RPS6KC1: variants seen among roughly 807,000 people sequenced by gnomAD.
The protein encoded by RPS6KC1 is ribosomal protein S6 kinase C1.
A neutral mutation model predicts 103.8 loss-of-function variants in RPS6KC1; 54 were observed. The ratio of observed to expected loss-of-function variants is 0.52; its 90% confidence interval spans 0.42 to 0.65. RPS6KC1 has a LOEUF of 0.65. RPS6KC1 is among the 30% of genes least tolerant of loss of function. The pLI, the probability that RPS6KC1 is intolerant of heterozygous loss-of-function variation, is 0.00. For synonymous variants in RPS6KC1, 439 were observed against 438.7 expected, an observed-to-expected ratio of 1.00 and a Z score of -0.01; for missense variants, 1,151 against 1,253.8, an observed-to-expected ratio of 0.92 and a Z score of 1.24.
the RPS6KC1 span, among the ~76,000 whole-genome samples, chr1:213,676,984 A>G: frequency 1.4e-4 from 22 of 152,354 alleles, no homozygotes; most frequent in East Asian, 3.7e-3. Context: ...TCTGCTGAGG[A>G]GCAGCATGCT....
chr1:213,139,020 T>C (rs2086706761), intron 6 of RPS6KC1, among the ~76,000 whole-genome samples: 1 of 152,320 alleles, frequency 6.6e-6, no homozygotes, highest in South Asian at 2.1e-4. Flanking sequence ...GCATGTGTTA[T>C]TTTTTGACTT....
At chr1:213,647,312 G>A in the RPS6KC1 span, among the ~76,000 whole-genome samples, 6,641 of 152,206 alleles carry the variant, frequency 0.044, 246 homozygotes, top group East Asian at 0.16. Context: ...TGGTTAGATA[G>A]CCAAATACCA....
chr1:213,390,175 G>A, the RPS6KC1 span, among the ~76,000 whole-genome samples: 1 of 152,150 alleles, frequency 6.6e-6, no homozygotes, highest in African/African-American at 2.4e-5. Flanking sequence ...AATGAAAAAT[G>A]TACATCTCTC....
chr1:213,172,796 C>T (rs1249978609), intron 7 of RPS6KC1, among the ~76,000 whole-genome samples: 3 of 152,160 alleles, frequency 2.0e-5, no homozygotes, highest in Non-Finnish European at 2.9e-5. Context: ...TGTACTCCTG[C>T]CTCTCTTCCC....
At chr1:213,648,661 A>G in the RPS6KC1 span, among the ~76,000 whole-genome samples, 4 of 151,862 alleles carry the variant, frequency 2.6e-5, no homozygotes, top group African/African-American at 9.7e-5. Flanking sequence ...CCCTGCTCCC[A>G]TCCTACTTGC....
At chr1:213,692,608 G>A in the RPS6KC1 span, among the ~76,000 whole-genome samples, 1 of 152,098 alleles carries the variant, frequency 6.6e-6, no homozygotes, top group Non-Finnish European at 1.5e-5. Context: ...CACTTCGGAG[G>A]GGCCACATGT....
chr1:213,582,448 G>A, the RPS6KC1 span, among the ~76,000 whole-genome samples: 1 of 152,130 alleles, frequency 6.6e-6, no homozygotes, highest in Non-Finnish European at 1.5e-5. Flanking sequence ...ACGGCACATG[G>A]CCTCACTGCT....
the RPS6KC1 span, among the ~76,000 whole-genome samples, chr1:213,716,075 T>C: frequency 6.6e-6 from 1 of 152,228 alleles, no homozygotes. Flanking sequence ...GAAATGCTTA[T>C]TTTCTCTTCA....
chr1:213,448,718 G>C, the RPS6KC1 span, among the ~76,000 whole-genome samples: 1 of 143,624 alleles, frequency 7.0e-6, no homozygotes, highest in Non-Finnish European at 1.5e-5. Flanking sequence ...CTCACACAGA[G>C]AATAAGACTT....
the RPS6KC1 span, among the ~76,000 whole-genome samples, chr1:213,718,298 G>A: frequency 6.6e-6 from 1 of 152,214 alleles, no homozygotes; most frequent in Non-Finnish European, 1.5e-5. Flanking sequence ...CAGATAATGA[G>A]GCTGGGGCTC....
the RPS6KC1 span, among the ~76,000 whole-genome samples, chr1:213,481,638 T>A: frequency 0.05 from 7,568 of 152,242 alleles, 611 homozygotes; most frequent in African/African-American, 0.17. Flanking sequence ...TTATCTCCTG[T>A]TTTTTTGAAA....
At chr1:213,653,491 T>G in the RPS6KC1 span, among the ~76,000 whole-genome samples, 1 of 152,200 alleles carries the variant, frequency 6.6e-6, no homozygotes, top group Admixed American at 6.5e-5. Context: ...TTCTTAATTT[T>G]CTGTAGTTTC....
chr1:213,344,819 G>A, the RPS6KC1 span, among the ~76,000 whole-genome samples: 1 of 152,194 alleles, frequency 6.6e-6, no homozygotes, highest in African/African-American at 2.4e-5. Flanking sequence ...ACAGGCATGA[G>A]CCACTGCACC....
At chr1:213,118,875 T>C (rs2084014652) in intron 5 of RPS6KC1, among the ~76,000 whole-genome samples, 1 of 152,110 alleles carries the variant, frequency 6.6e-6, no homozygotes, top group Non-Finnish European at 1.5e-5. Context: ...CTTTATAATC[T>C]ATTATTTTTT....
chr1:213,635,487 C>A, the RPS6KC1 span, among the ~76,000 whole-genome samples: 1 of 152,160 alleles, frequency 6.6e-6, no homozygotes, highest in Non-Finnish European at 1.5e-5. Context: ...TAAACATAAT[C>A]CATCACATAA....
At chr1:213,152,924 C>T (rs918868541) in intron 6 of RPS6KC1, among the ~76,000 whole-genome samples, 3 of 152,222 alleles carry the variant, frequency 2.0e-5, no homozygotes, top group Non-Finnish European at 2.9e-5. Context: ...GCCGAGATCA[C>T]GCTACTGCAC....
At chr1:213,150,289 TTA>T (rs2088519768) in intron 6 of RPS6KC1, among the ~76,000 whole-genome samples, 1 of 134,974 alleles carries the variant, frequency 7.4e-6, no homozygotes, top group Non-Finnish European at 1.6e-5. Flanking sequence ...TGTATGTACA[TTA>T]TATGTTATTT....
At chr1:213,121,502 T>C (rs1027757825) in intron 5 of RPS6KC1, among the ~76,000 whole-genome samples, 3 of 152,228 alleles carry the variant, frequency 2.0e-5, no homozygotes, top group Admixed American at 1.3e-4. Context: ...TGCTAACATC[T>C]TATTTCTATT....
the RPS6KC1 span, among the ~76,000 whole-genome samples, chr1:213,575,856 A>G: frequency 2.6e-5 from 4 of 152,174 alleles, no homozygotes; most frequent in Admixed American, 2.6e-4. Context: ...TTTAGCACCC[A>G]GCTCAATATG....
Sources: allele counts gnomAD v4.1 joint callset (sites outside exome capture counted in the v4.1 genomes callset), GRCh38; gene constraint gnomAD v4.1.1; transcripts MANE v1.5; gene names NCBI Gene and HGNC (gene_info 2026-07-23, HGNC 2026-07-21).